The following TGFBR3 variants were observed in gnomAD, a reference collection of about 807,000 sequenced individuals.
TGFBR3 encodes transforming growth factor beta receptor type 3.
TGFBR3 carries 46 observed loss-of-function variants against 87.9 expected under a neutral mutation model. The ratio of observed to expected loss-of-function variants is 0.52; its 90% CI spans 0.41 to 0.67. The LOEUF (loss-of-function observed/expected upper bound fraction) is 0.67. Among genes scored for constraint, TGFBR3 ranks in the 30% least tolerant of loss-of-function variants. TGFBR3 has a pLI of 0.00. For missense variants in TGFBR3, 866 were observed against 1,041.9 expected, an observed-to-expected ratio of 0.83 and a Z score of 2.32; for synonymous variants, 381 against 391.6, an observed-to-expected ratio of 0.97 and a Z score of 0.32.
At chr1:91,733,725 C>T (rs1449888240) in intron 5 of TGFBR3, among the ~76,000 whole-genome samples, 2 of 152,132 alleles carry the variant, frequency 1.3e-5, no homozygotes, top group African/African-American at 4.8e-5. Flanking sequence ...ATATACTCAA[C>T]TGAAAATAAT....
At chr1:91,871,393 C>A in intron 1 of TGFBR3, among the ~76,000 whole-genome samples, 1 of 152,192 alleles carries the variant, frequency 6.6e-6, no homozygotes, top group East Asian at 1.9e-4. Flanking sequence ...TTAGCGCCTA[C>A]CCTGTCCTGG....
chr1:91,795,511 G>A (rs963088664), intron 3 of TGFBR3, among the ~76,000 whole-genome samples: 2 of 152,108 alleles, frequency 1.3e-5, no homozygotes, highest in African/African-American at 4.8e-5. Context: ...TTTTTCTCTT[G>A]TTTCAGTAGT....
chr1:91,862,423 G>A (rs912720465), intron 1 of TGFBR3, among the ~76,000 whole-genome samples: 1 of 152,250 alleles, frequency 6.6e-6, no homozygotes, highest in South Asian at 2.1e-4. Context: ...AACATAAAAA[G>A]GCAAGGTTCT....
chr1:91,798,045 C>T (rs1675453782), intron 2 of TGFBR3, among the ~76,000 whole-genome samples: 1 of 152,136 alleles, frequency 6.6e-6, no homozygotes, highest in Non-Finnish European at 1.5e-5. Flanking sequence ...TGAGCAGAGC[C>T]TCAAATAGAA....
chr1:91,688,741 G>T (rs1449625277), intron 16 of TGFBR3, among the ~76,000 whole-genome samples: 1 of 152,090 alleles, frequency 6.6e-6, no homozygotes, highest in African/African-American at 2.4e-5. Context: ...TAAAGCAAAA[G>T]TCAAGCGCAT....
At chr1:91,838,948 T>C (rs1020896524) in intron 2 of TGFBR3, among the ~76,000 whole-genome samples, 1 of 152,124 alleles carries the variant, frequency 6.6e-6, no homozygotes, top group African/African-American at 2.4e-5. Flanking sequence ...GTATATGCAG[T>C]TGGAAGTTTC....
intron 16 of TGFBR3, among the ~76,000 whole-genome samples, chr1:91,687,058 A>G (rs1176636114): frequency 6.6e-6 from 1 of 152,220 alleles, no homozygotes; most frequent in African/African-American, 2.4e-5. Context: ...GGTGCCTGAC[A>G]TACTCTGGAG....
upstream of TGFBR3, among the ~76,000 whole-genome samples, chr1:91,890,409 CTTTTTTTTTTTTTT>C (rs1175619952): frequency 1.7e-5 from 1 of 60,364 alleles, no homozygotes; most frequent in East Asian, 5.7e-4. Flanking sequence ...TCTCTATAAT[CTTTTTTTTTTTTTT>C]TTTTTTTTTT....
In TGFBR3 at chr1:91,729,906, G is replaced by A. The variant is rs1241590155; in HGVS notation, c.636C>T (p.Tyr212=). 1.9e-6 allele frequency: 3 copies of A among 1,614,052 alleles called. No individual in the cohort carries two copies. The highest frequency in any genetic ancestry group is 2.5e-6 in the Non-Finnish European group (3 of 1,180,038). The part of the protein sequence containing the change: ...NFLSLNYLAE[Y]LQPKAAEGCV... ...ACCCTTCTGCTGCTTTGGGTTGAAG[G>A]TACTCAGCAAGGTAATTGAGTGAGA... The change falls in exon 6 of 17, where the codon TAC becomes TAT. Residue 212 remains tyrosine, a synonymous_variant. Coordinates refer to ENST00000212355, the MANE Select transcript of TGFBR3 (RefSeq NM_003243.5).
At chr1:91,727,885 T>G in intron 6 of TGFBR3, 79 bp from the exon 7 acceptor site, 2 of 1,542,150 alleles carry the variant, frequency 1.3e-6, no homozygotes, top group Non-Finnish European at 1.8e-6. Context: ...CAAGTCTTCA[T>G]GTTTCTAGTG....
At chr1:91,903,731 A>G (rs945753267) in intron 1 of TGFBR3, among the ~76,000 whole-genome samples, 6 of 152,172 alleles carry the variant, frequency 3.9e-5, no homozygotes, top group South Asian at 2.1e-4. Flanking sequence ...TGTCAATTAG[A>G]CATTCTTATT....
At chr1:91,863,241 T>C (rs994369260) in intron 1 of TGFBR3, among the ~76,000 whole-genome samples, 1 of 152,144 alleles carries the variant, frequency 6.6e-6, no homozygotes, top group Non-Finnish European at 1.5e-5. Context: ...GAAACTAAAT[T>C]ATTATATAGG....
intron 3 of TGFBR3, among the ~76,000 whole-genome samples, chr1:91,790,259 T>C (rs890979844): frequency 2.0e-5 from 3 of 152,232 alleles, no homozygotes; most frequent in East Asian, 1.9e-4. Flanking sequence ...ATTCTTACCA[T>C]TGTGTTACAA....
intron 1 of TGFBR3, among the ~76,000 whole-genome samples, chr1:91,904,727 G>C (rs537868225): frequency 9.0e-4 from 137 of 152,218 alleles, no homozygotes; most frequent in African/African-American, 3.2e-3. Flanking sequence ...GCCATGCCTG[G>C]CTAATATTTG....
intron 6 of TGFBR3, among the ~76,000 whole-genome samples, chr1:91,729,285 T>TAC (rs72204982): frequency 0.33 from 47,503 of 142,818 alleles, 8,260 homozygotes; most frequent in East Asian, 0.56. Flanking sequence ...TGCATGCGCA[T>TAC]ACACACACAC....
intron 5 of TGFBR3, 102 bp from the exon 6 acceptor site, chr1:91,730,075 G>A: frequency 7.7e-7 from 1 of 1,297,482 alleles, no homozygotes; most frequent in East Asian, 2.4e-5. Flanking sequence ...GCAGACACAG[G>A]GAACCACGAG....
chr1:91,856,421 C>G (rs1000378494), intron 2 of TGFBR3, among the ~76,000 whole-genome samples: 2 of 151,656 alleles, frequency 1.3e-5, no homozygotes, highest in Non-Finnish European at 2.9e-5. Flanking sequence ...TATCCCCCGA[C>G]CCACCCGGCC....
intron 2 of TGFBR3, among the ~76,000 whole-genome samples, chr1:91,855,895 T>A (rs1411312400): frequency 6.6e-6 from 1 of 151,908 alleles, no homozygotes; most frequent in Non-Finnish European, 1.5e-5. Context: ...AAATCTCTTG[T>A]ATTTATTCTC....
intron 2 of TGFBR3, among the ~76,000 whole-genome samples, chr1:91,854,300 G>A (rs567075053): frequency 6.6e-6 from 1 of 152,178 alleles, no homozygotes; most frequent in Non-Finnish European, 1.5e-5. Flanking sequence ...AAATGCCTGG[G>A]CCATGGAGCT....
Sources: allele counts gnomAD v4.1 joint callset (sites outside exome capture counted in the v4.1 genomes callset), GRCh38; gene constraint gnomAD v4.1.1; transcripts MANE v1.5; gene names NCBI Gene and HGNC (gene_info 2026-07-23, HGNC 2026-07-21).